ABCA13: variants seen among roughly 807,000 people sequenced by gnomAD.
The protein encoded by ABCA13 is ATP-binding cassette sub-family A member 13.
Under a neutral mutation model 478.7 loss-of-function variants are expected in ABCA13, and 476 were observed. The observed-to-expected ratio is 0.99, with a 90% CI of 0.92 to 1.07. The LOEUF is 1.07. ABCA13 is among the 50% of genes least tolerant of loss of function. The pLI, the probability that ABCA13 is intolerant of heterozygous loss-of-function variation, is 0.00. For missense variants in ABCA13, 6,060 were observed against 5,910.6 expected (o/e 1.03, Z -0.83); for synonymous variants, 2,252 against 2,158.9 (o/e 1.04, Z -1.20).
At position 48,240,850 on chromosome 7, in the gene ABCA13, G is replaced by A. The variant is rs761967799; in HGVS notation, c.1063-17G>A. 1.3e-6 allele frequency: 2 copies of A among 1,486,340 alleles called. No homozygotes were observed. The allele number at this position is 1,486,340 out of a possible 1,614,324, so 92.1% of individuals were successfully genotyped here. ...TTGCTATTATTAATGCTAGTATTTT[G>A]GTTTCCGAATTTGTAGGTGTTTGTT... On this transcript the variant is annotated splice_polypyrimidine_tract_variant and intron_variant, in intron 9 of 61. Transcript: ENST00000435803.
At chr7:48,378,742 G>T (rs1462393432) in intron 35 of ABCA13, among the ~76,000 whole-genome samples, 1 of 152,164 alleles carries the variant, frequency 6.6e-6, no homozygotes, top group Non-Finnish European at 1.5e-5. Flanking sequence ...TGGAGAAAAA[G>T]ATCTGCTGAT....
intron 59 of ABCA13, among the ~76,000 whole-genome samples, chr7:48,642,269 CT>C (rs543064916): frequency 2.6e-5 from 4 of 152,180 alleles, no homozygotes; most frequent in Non-Finnish European, 5.9e-5. Flanking sequence ...CTTGGGTCCC[CT>C]GTCTTTACCA....
Position 48,193,002 on chromosome 7 carries a change from T to C in ABCA13, c.113T>C (p.Val38Ala). ...AEFFWPCILF[V>A]ILTVLRFQEP... ...TTCTTCTGGCCTTGTATCCTGTTTG[T>C]AATTCTGACAGTTCTTCGTTTTCAA... The change falls in exon 2 of 62, where the codon GTA (valine) becomes GCA (alanine). Residue 38 changes from valine (V) to alanine (A), a missense_variant. Around this residue, in one of 3 missense-constraint regions of ABCA13, gnomAD observed 4,423 missense variants for 4,309.1 expected, o/e 1.03. Transcript: ENST00000435803. The C allele has an allele frequency of 6.5e-7, 1 of 1,535,848 alleles. No homozygotes were observed. Among genetic ancestry groups the C allele is most frequent in the Non-Finnish European group, 8.7e-7 (1 of 1,146,578 alleles).
intron 47 of ABCA13, 50 bp from the exon 48 acceptor site, chr7:48,489,186 A>T (rs1488073227): frequency 7.0e-7 from 1 of 1,438,218 alleles, no homozygotes; most frequent in East Asian, 2.4e-5. Context: ...TGACAAACAG[A>T]CTTACGAGCT....
At chr7:48,414,875 G>A (rs1327593644) in intron 41 of ABCA13, among the ~76,000 whole-genome samples, 1 of 152,152 alleles carries the variant, frequency 6.6e-6, no homozygotes, top group Non-Finnish European at 1.5e-5. Context: ...AAATGGTAAT[G>A]GCTTTTCTCA....
At chr7:48,505,495 C>T (rs1489196656) in intron 48 of ABCA13, among the ~76,000 whole-genome samples, 1 of 151,950 alleles carries the variant, frequency 6.6e-6, no homozygotes, top group African/African-American at 2.4e-5. Flanking sequence ...TAAAGGCGAG[C>T]CAAAAGAAAA....
At chr7:48,335,798 G>A (rs1330779420) in intron 28 of ABCA13, among the ~76,000 whole-genome samples, 2 of 152,114 alleles carry the variant, frequency 1.3e-5, no homozygotes, top group Non-Finnish European at 2.9e-5. Context: ...TAAGCTTAAT[G>A]CTTTTTAGAT....
rs186746711 is a variant in ABCA13 at position 48,395,298 on chromosome 7, G to T, written c.11873+3159G>T. ...GTCGCAGGGAGAGCTGGGGGCTCCT[G>T]CACTAAGAACAGATTAGGCCAGGAG... On this transcript the variant is annotated intron_variant, in intron 38 of 61. Coordinates refer to ENST00000435803, the MANE Select transcript of ABCA13 (RefSeq NM_152701.5). 2.1e-3 allele frequency among the ~76,000 whole-genome samples: 316 copies of T among 152,252 alleles called. 1 individual carries two copies. The highest frequency in any genetic ancestry group is 7.2e-3 in the African/African-American group (301 of 41,542).
chr7:48,328,917 A>T (rs1804750670), intron 27 of ABCA13, among the ~76,000 whole-genome samples: 3 of 152,162 alleles, frequency 2.0e-5, no homozygotes, highest in African/African-American at 7.2e-5. Context: ...AGTCACTCTC[A>T]TGCATTGCTG....
intron 31 of ABCA13, among the ~76,000 whole-genome samples, chr7:48,366,755 G>A (rs1466095553): frequency 6.6e-6 from 1 of 152,126 alleles, no homozygotes; most frequent in Non-Finnish European, 1.5e-5. Context: ...ATCCATTCAT[G>A]AGTGTGGAGA....
chr7:48,455,871 C>T (rs1003328902), intron 43 of ABCA13, among the ~76,000 whole-genome samples: 8 of 152,202 alleles, frequency 5.3e-5, no homozygotes, highest in African/African-American at 1.9e-4. Context: ...CGCAAGAACT[C>T]AGAGCTTTCT....
intron 44 of ABCA13, among the ~76,000 whole-genome samples, chr7:48,467,487 G>A (rs998538538): frequency 4.6e-5 from 7 of 152,090 alleles, no homozygotes; most frequent in Non-Finnish European, 1.0e-4. Flanking sequence ...AATCTGGGGT[G>A]AATTACTTTG....
At position 48,510,645 on chromosome 7, in the gene ABCA13, G is replaced by T. The variant is rs543071483; in HGVS notation, c.13525-439G>T. ...TCTCTCATTGTCCTGGAGGCTGGAA[G>T]TCTGAGATCAAGGTGTTGGCAGGGT... On this transcript the variant is annotated intron_variant, in intron 50 of 61. Transcript: ENST00000435803. Among the ~76,000 whole-genome samples, 6 of 152,292 alleles carry T rather than the reference G, an allele frequency of 3.9e-5. No individual in the cohort carries two copies. In the East Asian group the frequency reaches 9.7e-4, roughly 25 times the overall value.
intron 43 of ABCA13, among the ~76,000 whole-genome samples, chr7:48,455,906 T>C (rs964257949): frequency 6.6e-6 from 1 of 152,178 alleles, no homozygotes. Flanking sequence ...TACACAAGGG[T>C]TGGGAACCTA....
At chr7:48,618,224 C>A (rs988567503) in intron 59 of ABCA13, among the ~76,000 whole-genome samples, 1 of 152,202 alleles carries the variant, frequency 6.6e-6, no homozygotes, top group African/African-American at 2.4e-5. Flanking sequence ...AAACCCATGC[C>A]TGACTCTGCT....
At position 48,385,819 on chromosome 7, in the gene ABCA13, CTGT is replaced by C. The variant is rs531688232; in HGVS notation, c.11336-2001_11336-1999del. Among the ~76,000 whole-genome samples, 26 of 152,304 alleles carry C rather than the reference CTGT, an allele frequency of 1.7e-4. No homozygotes were observed. The South Asian group carries it at 5.4e-3, about 32-fold the overall frequency. On this transcript the variant is annotated intron_variant, in intron 35 of 61. Coordinates refer to ENST00000435803, the MANE Select transcript of ABCA13 (RefSeq NM_152701.5). ...TTTTTATTCACAACCTCACCAGCATCTGTTATTTTTTGACCTTTTAATAATAGA... is the reference window on the plus strand; with the variant it reads ...TTTTTATTCACAACCTCACCAGCATCTATTTTTTGACCTTTTAATAATAGA...
At chr7:48,377,000 C>T (rs1044709497) in intron 35 of ABCA13, among the ~76,000 whole-genome samples, 1 of 152,130 alleles carries the variant, frequency 6.6e-6, no homozygotes, top group Non-Finnish European at 1.5e-5. Flanking sequence ...CAGGTCGGTG[C>T]ATGGCAGGAC....
intron 35 of ABCA13, among the ~76,000 whole-genome samples, chr7:48,378,466 G>A (rs1813838308): frequency 6.6e-6 from 1 of 152,186 alleles, no homozygotes. Flanking sequence ...TTGGCCATCT[G>A]AACCATGCCA....
Position 48,239,416 on chromosome 7 carries a change from CT to C in ABCA13, c.1062+12del, listed in dbSNP as rs1562853299. On this transcript the variant is annotated intron_variant, in intron 9 of 61. Transcript: ENST00000435803. Reference sequence around the variant, plus strand: ...CGAGTCTACCAACAGGTGCTGTCCCCTCTCTCTATGTTCTGTTCAAAGGTGT... The same window carrying C: ...CGAGTCTACCAACAGGTGCTGTCCCCCTCTCTATGTTCTGTTCAAAGGTGT... 1 of 1,607,670 alleles carries C rather than the reference CT, an allele frequency of 6.2e-7. No individual in the cohort carries two copies. The highest frequency in any genetic ancestry group is 2.2e-5 in the East Asian group (1 of 44,846).
Sources: gnomAD v4.1 joint callset for allele counts (sites outside exome capture counted in the v4.1 genomes callset) on GRCh38, gnomAD v4.1.1 for gene constraint, gnomAD v4.1.1 regional missense constraint, MANE v1.5 for transcripts, NCBI Gene and HGNC (gene_info 2026-07-23, HGNC 2026-07-21) for gene names.